Variants in FER observed in about 807,000 individuals in gnomAD.
The protein encoded by FER is FER tyrosine kinase.
A neutral mutation model predicts 111.0 loss-of-function variants in FER; 63 were observed. The observed-to-expected ratio is 0.57, with a 90% CI of 0.46 to 0.70. The LOEUF (loss-of-function observed/expected upper bound fraction) is 0.70, where lower values mean the gene tolerates loss of function less well. Ranked by LOEUF, FER falls within the 30% of genes least tolerant of loss-of-function variation. The pLI, the probability that FER is intolerant of heterozygous loss-of-function variation, is 0.00. For missense variants in FER, 914 were observed against 954.0 expected, an observed-to-expected ratio of 0.96 and a Z score of 0.55; for synonymous variants, 327 against 313.9, an observed-to-expected ratio of 1.04 and a Z score of -0.44.
intron 13 of FER, among the ~76,000 whole-genome samples, chr5:108,986,252 A>G (rs1020832604): frequency 1.4e-5 from 2 of 147,940 alleles, no homozygotes; most frequent in East Asian, 2.0e-4. Flanking sequence ...AGAATTGTCT[A>G]TTCATGTCGT....
At chr5:109,154,075 C>G (rs1034283023) in intron 17 of FER, among the ~76,000 whole-genome samples, 1 of 125,866 alleles carries the variant, frequency 7.9e-6, no homozygotes, top group Non-Finnish European at 1.8e-5. Context: ...TGCATACTTA[C>G]GCAAAAAAAA....
At chr5:109,059,953 C>G (rs970522812) in intron 16 of FER, among the ~76,000 whole-genome samples, 5 of 152,116 alleles carry the variant, frequency 3.3e-5, no homozygotes, top group African/African-American at 1.2e-4. Context: ...GAATGAATAA[C>G]CAATATTTAG....
chr5:108,802,928 C>G (rs1373773122), intron 3 of FER, among the ~76,000 whole-genome samples: 2 of 152,110 alleles, frequency 1.3e-5, no homozygotes, highest in African/African-American at 2.4e-5. Context: ...AGTGCTTTCT[C>G]TAGTGGCTGA....
rs1385760445 is a variant in FER at position 109,044,906 on chromosome 5, C to T, written c.1829+111C>T. 4 of 577,098 alleles carry T rather than the reference C, an allele frequency of 6.9e-6. No homozygotes were observed. In the East Asian group the frequency reaches 1.3e-4, roughly 19 times the overall value. The allele number at this position is 577,098 out of a possible 1,614,324, so 35.7% of individuals were successfully genotyped here. A position where few individuals can be genotyped will look rare whatever the true frequency, so the allele number is the denominator to read the frequency against. On this transcript the variant is annotated intron_variant, in intron 15 of 19. Transcript: ENST00000281092. ...TTTACTGAAATAGTAGGGGTAAGCA[C>T]TTTTACAGTATGGAATCCAAAAATT...
At chr5:108,761,154 C>T (rs1319130265) in intron 1 of FER, among the ~76,000 whole-genome samples, 1 of 151,996 alleles carries the variant, frequency 6.6e-6, no homozygotes, top group Non-Finnish European at 1.5e-5. Context: ...GGTCTCGAAC[C>T]CCTGGCCTCG....
At chr5:109,147,800 TAGAGAG>T (rs750473377) in intron 17 of FER, among the ~76,000 whole-genome samples, 238 of 118,594 alleles carry the variant, frequency 2.0e-3, no homozygotes, top group Admixed American at 4.6e-3. Flanking sequence ...TATATATATA[TAGAGAG>T]AGAGAGAGAG....
At chr5:108,872,866 A>G (rs1764729967) in intron 8 of FER, among the ~76,000 whole-genome samples, 1 of 152,216 alleles carries the variant, frequency 6.6e-6, no homozygotes, top group South Asian at 2.1e-4. Flanking sequence ...AAGGAAATAT[A>G]TTTATTAACA....
chr5:108,871,324 T>A, intron 6 of FER, 41 bp from the exon 7 acceptor site: 1 of 1,560,450 alleles, frequency 6.4e-7, no homozygotes, highest in Non-Finnish European at 8.7e-7. Context: ...TCTCTCTTGA[T>A]AAAACTTTAA....
intron 13 of FER, among the ~76,000 whole-genome samples, chr5:109,021,645 A>G (rs1243358711): frequency 6.6e-6 from 1 of 152,092 alleles, no homozygotes; most frequent in Non-Finnish European, 1.5e-5. Context: ...CTGAAGCTTT[A>G]GGATAAACAA....
chr5:109,015,640 G>GCAGGATCAGCACATCATGCCT, intron 13 of FER, among the ~76,000 whole-genome samples: 1 of 151,972 alleles, frequency 6.6e-6, no homozygotes, highest in South Asian at 2.1e-4. Context: ...AAGCACTAGA[G>GCAGGATCAGCACATCATGCCT]CAGGATCAGC....
chr5:108,856,361 TC>T (rs1473019018), intron 5 of FER, among the ~76,000 whole-genome samples: 1 of 152,188 alleles, frequency 6.6e-6, no homozygotes, highest in East Asian at 1.9e-4. Context: ...TTCATTTTTT[TC>T]CTCCAGAGGC....
At chr5:108,772,546 C>A (rs1041865765) in intron 2 of FER, among the ~76,000 whole-genome samples, 1 of 151,704 alleles carries the variant, frequency 6.6e-6, no homozygotes, top group Non-Finnish European at 1.5e-5. Context: ...ACTATTCAAC[C>A]AAAATTTATT....
At chr5:109,013,390 C>A (rs1310919571) in intron 13 of FER, among the ~76,000 whole-genome samples, 1 of 151,862 alleles carries the variant, frequency 6.6e-6, no homozygotes, top group Non-Finnish European at 1.5e-5. Flanking sequence ...TCATCCATGT[C>A]CCTACAGAGG....
chr5:109,162,456 T>C (rs999571204), intron 17 of FER, among the ~76,000 whole-genome samples: 5 of 152,250 alleles, frequency 3.3e-5, no homozygotes, highest in Non-Finnish European at 7.4e-5. Flanking sequence ...CTAGATCCTG[T>C]TTGTATTAGA....
intron 13 of FER, among the ~76,000 whole-genome samples, chr5:109,020,240 C>T (rs1263763531): frequency 6.6e-6 from 1 of 151,852 alleles, no homozygotes; most frequent in Non-Finnish European, 1.5e-5. Flanking sequence ...AAACATCTTG[C>T]CTTGAGCAAG....
chr5:108,982,082 T>C (rs1413363644), intron 13 of FER, among the ~76,000 whole-genome samples: 1 of 152,066 alleles, frequency 6.6e-6, no homozygotes, highest in Non-Finnish European at 1.5e-5. Flanking sequence ...AAAGTCAACA[T>C]CACCTGGGAA....
At position 108,993,756 on chromosome 5, in the gene FER, A is replaced by G. The variant is rs140455220; in HGVS notation, c.1656+34409A>G. 4.7e-3 allele frequency among the ~76,000 whole-genome samples: 718 copies of G among 152,242 alleles called. 5 individuals are homozygous for G. Among genetic ancestry groups the G allele is most frequent in the African/African-American group, 0.016 (682 of 41,542 alleles). ...TGGGTGATTCCCACCAACAGTGTAAAAGCATCCCTGTTTCTCCATAGCCTT... is the reference window on the plus strand; with the variant it reads ...TGGGTGATTCCCACCAACAGTGTAAGAGCATCCCTGTTTCTCCATAGCCTT... On this transcript the variant is annotated intron_variant, in intron 13 of 19. Coordinates refer to ENST00000281092, the MANE Select transcript of FER (RefSeq NM_005246.4).
chr5:108,980,598 T>C (rs937600928), intron 13 of FER, among the ~76,000 whole-genome samples: 2 of 152,134 alleles, frequency 1.3e-5, no homozygotes, highest in East Asian at 1.9e-4. Context: ...CACAGACTAA[T>C]CTGTTTGAAA....
intron 9 of FER, among the ~76,000 whole-genome samples, chr5:108,886,409 C>A (rs1414275159): frequency 6.8e-6 from 1 of 148,058 alleles, no homozygotes; most frequent in African/African-American, 2.5e-5. Context: ...TATATTATAA[C>A]ATATAAACAT....
Sources: allele counts gnomAD v4.1 joint callset (sites outside exome capture counted in the v4.1 genomes callset), GRCh38; gene constraint gnomAD v4.1.1; transcripts MANE v1.5; gene names NCBI Gene and HGNC (gene_info 2026-07-23, HGNC 2026-07-21).